Variants in ABCB5 observed in about 807,000 individuals in gnomAD.
ABCB5 encodes ATP binding cassette subfamily B member 5, also known as ATP-binding cassette sub-family B member 5.
Under a neutral mutation model 144.2 loss-of-function variants are expected in ABCB5, and 155 were observed. The ratio of observed to expected loss-of-function variants is 1.08; its 90% confidence interval spans 0.94 to 1.23. The LOEUF is 1.23. ABCB5 is among the 50% of genes most tolerant of loss of function. ABCB5 has a pLI of 0.00. For synonymous variants in ABCB5, 610 were observed against 528.6 expected, an observed-to-expected ratio of 1.15 and a Z score of -2.11; for missense variants, 1,830 against 1,520.8, an observed-to-expected ratio of 1.20 and a Z score of -3.38.
intron 19 of ABCB5, 126 bp downstream of exon 19, chr7:20,700,261 A>C (rs1786574955): frequency 1.2e-6 from 1 of 827,376 alleles, no homozygotes; most frequent in South Asian, 2.5e-5. Flanking sequence ...TTTTGTTCTA[A>C]GCAGCAAAAA....
At chr7:20,632,145 C>G in intron 5 of ABCB5, 32 bp downstream of exon 5, 2 of 1,388,846 alleles carry the variant, frequency 1.4e-6, no homozygotes, top group Non-Finnish European at 1.9e-6. Context: ...ATATCACATT[C>G]GTTGAATGAT....
At chr7:20,726,613 C>A (rs139137924) in intron 21 of ABCB5, among the ~76,000 whole-genome samples, 12 of 152,066 alleles carry the variant, frequency 7.9e-5, no homozygotes, top group Admixed American at 1.3e-4. Flanking sequence ...GTAATCGGCC[C>A]GCCTTGGCCT....
At chr7:20,697,870 G>T (rs1249069734) in intron 16 of ABCB5, among the ~76,000 whole-genome samples, 7 of 152,184 alleles carry the variant, frequency 4.6e-5, no homozygotes, top group Non-Finnish European at 1.0e-4. Flanking sequence ...TTTAAATAAT[G>T]TGCTCGGATA....
At chr7:20,678,200 T>G (rs1212998431) in intron 14 of ABCB5, among the ~76,000 whole-genome samples, 2 of 152,228 alleles carry the variant, frequency 1.3e-5, no homozygotes, top group African/African-American at 2.4e-5. Flanking sequence ...TACATATTTT[T>G]CCTGCATTTT....
intron 5 of ABCB5, among the ~76,000 whole-genome samples, chr7:20,636,693 G>A (rs969277389): frequency 8.7e-5 from 13 of 149,258 alleles, no homozygotes; most frequent in African/African-American, 3.2e-4. Flanking sequence ...GTTGAGGCAG[G>A]AGAATCACCT....
In ABCB5 at chr7:20,727,104, A is replaced by C. The variant is rs1316836039; in HGVS notation, c.2690A>C (p.Glu897Ala). Residue 897 changes from glutamate (E) to alanine (A), a missense_variant, in exon 22 of 28, where the codon GAG becomes GCG. Coordinates refer to ENST00000404938, the MANE Select transcript of ABCB5 (RefSeq NM_001163941.2). Reference protein sequence around the residue: ...IVSLTREKAFEQMYEEMLQTQ... With the variant: ...IVSLTREKAFAQMYEEMLQTQ... Reference sequence around the variant, plus strand: ...TCATTAACAAGGGAAAAAGCCTTCGAGCAAATGTATGAAGAGATGCTTCAG... The same window carrying C: ...TCATTAACAAGGGAAAAAGCCTTCGCGCAAATGTATGAAGAGATGCTTCAG... 1.2e-6 allele frequency: 2 copies of C among 1,613,758 alleles called. No homozygotes were observed. Among genetic ancestry groups the C allele is most frequent in the Non-Finnish European group, 1.7e-6 (2 of 1,179,832 alleles).
At chr7:20,735,520 C>T (rs1390289577) in intron 23 of ABCB5, among the ~76,000 whole-genome samples, 1 of 152,162 alleles carries the variant, frequency 6.6e-6, no homozygotes, top group Non-Finnish European at 1.5e-5. Flanking sequence ...GACTTCTTTC[C>T]ATGTTGGCTG....
intron 16 of ABCB5, among the ~76,000 whole-genome samples, chr7:20,688,047 G>C (rs1435298909): frequency 6.6e-6 from 1 of 151,918 alleles, no homozygotes; most frequent in Non-Finnish European, 1.5e-5. Context: ...TAAAAAATTA[G>C]CTGGGCGTGA....
At chr7:20,682,589 A>G (rs1206458996) in intron 15 of ABCB5, among the ~76,000 whole-genome samples, 1 of 152,164 alleles carries the variant, frequency 6.6e-6, no homozygotes, top group African/African-American at 2.4e-5. Context: ...GGTATAATGG[A>G]AAAGAGTTGG....
intron 15 of ABCB5, among the ~76,000 whole-genome samples, chr7:20,683,122 G>T (rs1228098611): frequency 6.6e-6 from 1 of 152,128 alleles, no homozygotes; most frequent in African/African-American, 2.4e-5. Flanking sequence ...AATTTAGAAA[G>T]TTATGAGCCT....
chr7:20,624,246 G>T (rs1034898146), intron 2 of ABCB5, among the ~76,000 whole-genome samples: 1 of 152,176 alleles, frequency 6.6e-6, no homozygotes, highest in Non-Finnish European at 1.5e-5. Context: ...CATGTGTTCG[G>T]CATATATTCC....
chr7:20,737,287 A>G, intron 23 of ABCB5, among the ~76,000 whole-genome samples: 1 of 151,556 alleles, frequency 6.6e-6, no homozygotes. Flanking sequence ...CATCCCACTT[A>G]CGTTTCTCTC....
chr7:20,621,560 C>T (rs920022644), intron 1 of ABCB5, among the ~76,000 whole-genome samples: 2 of 152,006 alleles, frequency 1.3e-5, no homozygotes, highest in Non-Finnish European at 2.9e-5. Context: ...TCTTTTGATT[C>T]TACAAACTAG....
intron 2 of ABCB5, among the ~76,000 whole-genome samples, chr7:20,623,738 A>G (rs1046909206): frequency 1.3e-5 from 2 of 152,184 alleles, no homozygotes; most frequent in Admixed American, 6.5e-5. Context: ...CTCTGAATAG[A>G]TGTCTCTGTG....
At chr7:20,648,688 C>A (rs1025753065) in intron 11 of ABCB5, among the ~76,000 whole-genome samples, 2 of 152,190 alleles carry the variant, frequency 1.3e-5, no homozygotes, top group African/African-American at 4.8e-5. Context: ...TAATAAAACA[C>A]TGGCTTCATA....
Position 20,646,101 on chromosome 7 carries a change from A to C in ABCB5, c.944A>C (p.Asn315Thr). 6.2e-7 allele frequency: 1 copy of C among 1,613,734 alleles called. No homozygotes were observed. The highest frequency in any genetic ancestry group is 8.5e-7 in the Non-Finnish European group (1 of 1,179,736). Residue 315 changes from asparagine (N) to threonine (T), a missense_variant, in exon 9 of 28, where the codon AAT becomes ACT. Physicochemically the swap from Asn to Thr is moderately conservative, Grantham distance 65. Coordinates refer to ENST00000404938, the MANE Select transcript of ABCB5 (RefSeq NM_001163941.2). ...AFWYGTSLIL[N>T]GEPGYTIGTV... ...TGGTATGGAACCTCCTTGATTCTTA[A>C]TGGAGAACCTGGATATACCATCGGG... is the stretch of plus-strand genomic sequence containing the variant.
intron 13 of ABCB5, among the ~76,000 whole-genome samples, chr7:20,657,326 A>AT (rs397717335): frequency 3.3e-5 from 5 of 151,844 alleles, no homozygotes; most frequent in African/African-American, 1.2e-4. Flanking sequence ...ACTAAAAAAA[A>AT]CTCATTGCTT....
intron 2 of ABCB5, among the ~76,000 whole-genome samples, chr7:20,626,278 T>A (rs927809588): frequency 1.3e-5 from 2 of 152,208 alleles, no homozygotes; most frequent in African/African-American, 4.8e-5. Flanking sequence ...GTACCTTGGT[T>A]ATACAATTAA....
In ABCB5 at chr7:20,723,101, A is replaced by G; in HGVS notation, c.2507A>G (p.Glu836Gly). The G allele has an allele frequency of 6.2e-7, 1 of 1,614,132 alleles. No individual in the cohort carries two copies. Among genetic ancestry groups the G allele is most frequent in the Non-Finnish European group, 8.5e-7 (1 of 1,180,024 alleles). ...SVIISFIYGW[E>G]MTFLILSIAP... ...ATCATTTCCTTTATATATGGATGGG[A>G]GATGACATTCCTGATTCTGAGTATT... Residue 836 changes from glutamate to glycine, a missense_variant, in exon 21 of 28, where the codon GAG (glutamate) becomes GGG (glycine). By Grantham distance (98) the Glu-to-Gly change is moderately conservative (BLOSUM62 -2). Transcript: ENST00000404938.
Sources: allele counts gnomAD v4.1 joint callset (sites outside exome capture counted in the v4.1 genomes callset), GRCh38; gene constraint gnomAD v4.1.1; transcripts MANE v1.5; gene names NCBI Gene and HGNC (gene_info 2026-07-23, HGNC 2026-07-21).